CMIP: variants seen among roughly 807,000 people sequenced by gnomAD.
The protein encoded by CMIP is c-Maf inducing protein.
Under a neutral mutation model 97.3 loss-of-function variants are expected in CMIP, and 13 were observed. That is an observed-to-expected ratio of 0.13 (90% CI 0.09 to 0.21). CMIP has a LOEUF of 0.21. Among genes scored for constraint, CMIP ranks in the 10% least tolerant of loss-of-function variants. CMIP has a pLI of 1.00. For missense variants in CMIP, 847 were observed against 1,024.9 expected, an observed-to-expected ratio of 0.83 and a Z score of 2.37; for synonymous variants, 538 against 436.3, an observed-to-expected ratio of 1.23 and a Z score of -2.91.
intron 1 of CMIP, among the ~76,000 whole-genome samples, chr16:81,488,881 A>T (rs1402646320): frequency 6.6e-6 from 1 of 152,106 alleles, no homozygotes; most frequent in South Asian, 2.1e-4. Context: ...ACTGTCATTG[A>T]TGCTGGACTT....
chr16:81,495,611 C>A, intron 1 of CMIP: 1 of 1,078,946 alleles, frequency 9.3e-7, no homozygotes, highest in Non-Finnish European at 1.4e-6. Context: ...AGAGGGTGGG[C>A]AGGTGTGTCT....
intron 3 of CMIP, among the ~76,000 whole-genome samples, chr16:81,624,904 C>G (rs911917795): frequency 6.6e-6 from 1 of 152,210 alleles, no homozygotes; most frequent in East Asian, 1.9e-4. Context: ...CAGCTCAGAA[C>G]TTTGAGCTGT....
chr16:81,635,355 C>G (rs1430683147), intron 3 of CMIP, among the ~76,000 whole-genome samples: 2 of 152,132 alleles, frequency 1.3e-5, no homozygotes, highest in Non-Finnish European at 2.9e-5. Flanking sequence ...AGGACAGAGT[C>G]AGGGGGAAGG....
At chr16:81,545,531 C>G (rs1327014072) in intron 1 of CMIP, among the ~76,000 whole-genome samples, 1 of 152,134 alleles carries the variant, frequency 6.6e-6, no homozygotes, top group Non-Finnish European at 1.5e-5. Flanking sequence ...GGCATTTAAT[C>G]CACACAGCTT....
intron 1 of CMIP, among the ~76,000 whole-genome samples, chr16:81,458,033 A>G (rs894766059): frequency 6.6e-6 from 1 of 152,264 alleles, no homozygotes; most frequent in Admixed American, 6.5e-5. Context: ...CATCATGCCA[A>G]TAAGAGAGAG....
intron 10 of CMIP, among the ~76,000 whole-genome samples, chr16:81,687,573 A>G (rs1567663258): frequency 6.6e-6 from 1 of 152,090 alleles, no homozygotes; most frequent in Non-Finnish European, 1.5e-5. Context: ...CTGAGGTCAG[A>G]TCTCAGCCAC....
intron 1 of CMIP, among the ~76,000 whole-genome samples, chr16:81,593,468 C>T (rs1203029760): frequency 6.6e-6 from 1 of 152,170 alleles, no homozygotes; most frequent in African/African-American, 2.4e-5. Flanking sequence ...GCTGTGCGAC[C>T]TGCTTGCCAT....
intron 1 of CMIP, among the ~76,000 whole-genome samples, chr16:81,556,860 T>C (rs1597555474): frequency 1.3e-5 from 2 of 152,172 alleles, no homozygotes; most frequent in Non-Finnish European, 2.9e-5. Flanking sequence ...TGAATGGCGC[T>C]CCTGAAAACT....
chr16:81,520,274 G>C (rs1184453223), intron 1 of CMIP: 1 of 152,166 alleles, frequency 6.6e-6, no homozygotes, highest in Non-Finnish European at 1.5e-5. Flanking sequence ...TGTCTGCCTC[G>C]ATTTCTTCAT....
chr16:81,648,453 T>G (rs1000030511), intron 3 of CMIP, among the ~76,000 whole-genome samples: 1 of 152,038 alleles, frequency 6.6e-6, no homozygotes, highest in African/African-American at 2.4e-5. Context: ...TTTCTGGCTG[T>G]GGGATCACTT....
intron 1 of CMIP, among the ~76,000 whole-genome samples, chr16:81,450,323 C>T (rs1428141453): frequency 2.6e-5 from 4 of 152,158 alleles, no homozygotes; most frequent in Non-Finnish European, 4.4e-5. Flanking sequence ...TGGGGGAGAA[C>T]AGATTTGGGT....
intron 13 of CMIP, among the ~76,000 whole-genome samples, chr16:81,694,582 T>C (rs528660468): frequency 6.6e-6 from 1 of 152,296 alleles, no homozygotes; most frequent in South Asian, 2.1e-4. Context: ...CAGGCTGTAA[T>C]TCCAGAAGTT....
chr16:81,528,532 G>C (rs1334053162), intron 1 of CMIP, among the ~76,000 whole-genome samples: 1 of 152,232 alleles, frequency 6.6e-6, no homozygotes, highest in Non-Finnish European at 1.5e-5. Flanking sequence ...GCTGGTCCCA[G>C]AGAGATGTAC....
intron 9 of CMIP, among the ~76,000 whole-genome samples, chr16:81,672,489 G>C (rs1241390272): frequency 1.3e-5 from 2 of 152,222 alleles, no homozygotes; most frequent in African/African-American, 4.8e-5. Flanking sequence ...GTGCCCGTGT[G>C]TTGGGGACAA....
At position 81,610,595 on chromosome 16, in the gene CMIP, C is replaced by T. The variant is rs547112573; in HGVS notation, c.426+2903C>T. 15 of 944,084 alleles carry T rather than the reference C, an allele frequency of 1.6e-5. No homozygotes were observed. In the East Asian group the frequency reaches 3.5e-4, roughly 22 times the overall value. The allele number at this position is 944,084 out of a possible 1,614,324, so 58.5% of individuals were successfully genotyped here. A position where few individuals can be genotyped will look rare whatever the true frequency, so the allele number is the denominator to read the frequency against. The stretch of plus-strand genomic sequence containing the variant: ...TGGTTCTCTCCCTGGCTGCCATTTC[C>T]GTCAGGGGAGGTAGACCTGGATCGG... On this transcript the variant is annotated intron_variant, in intron 2 of 20. Transcript: ENST00000537098.
intron 1 of CMIP, among the ~76,000 whole-genome samples, chr16:81,568,939 G>A (rs986562868): frequency 6.6e-6 from 1 of 152,170 alleles, no homozygotes; most frequent in African/African-American, 2.4e-5. Context: ...AAGGGGAAAA[G>A]GTGCAAAGAA....
intron 1 of CMIP, among the ~76,000 whole-genome samples, chr16:81,537,155 C>T (rs1567566168): frequency 6.6e-6 from 1 of 152,204 alleles, no homozygotes; most frequent in African/African-American, 2.4e-5. Context: ...CCCCCCTGCT[C>T]ACCGTCCTGG....
chr16:81,664,383 C>T lies in CMIP; in HGVS notation c.825+34C>T, dbSNP rs531760727. On this transcript the variant is annotated intron_variant, in intron 7 of 20. Transcript: ENST00000537098. ...CCCTGCCCCAACACCCAGACCCCAGCGCCCAGAACATGAGGCCCCGCGCGC... is the reference window on the plus strand; with the variant it reads ...CCCTGCCCCAACACCCAGACCCCAGTGCCCAGAACATGAGGCCCCGCGCGC... The T allele has an allele frequency of 4.5e-6, 7 of 1,562,970 alleles. No individual in the cohort carries two copies. In the Admixed American group the frequency reaches 5.7e-5, roughly 13 times the overall value.
chr16:81,519,849 A>G (rs1028176488), intron 1 of CMIP: 1 of 152,318 alleles, frequency 6.6e-6, no homozygotes, highest in Middle Eastern at 3.4e-3. Flanking sequence ...TCCAGCCCTC[A>G]GTGTTGAAGG....
Sources: gnomAD v4.1 joint callset for allele counts (sites outside exome capture counted in the v4.1 genomes callset) on GRCh38, gnomAD v4.1.1 for gene constraint, MANE v1.5 for transcripts, NCBI Gene and HGNC (gene_info 2026-07-23, HGNC 2026-07-21) for gene names.